The following ASIC2 variants were observed in gnomAD, a reference collection of about 807,000 sequenced individuals.
ASIC2 encodes the protein acid-sensing ion channel 2.
Under a neutral mutation model 57.3 loss-of-function variants are expected in ASIC2, and 25 were observed. The observed-to-expected ratio is 0.44, with a 90% CI of 0.32 to 0.61. The LOEUF (loss-of-function observed/expected upper bound fraction) is 0.61. ASIC2 is among the 20% of genes least tolerant of loss of function. The pLI is 0.06. For missense variants in ASIC2, 641 were observed against 738.1 expected, an observed-to-expected ratio of 0.87 and a Z score of 1.52; for synonymous variants, 319 against 307.5, an observed-to-expected ratio of 1.04 and a Z score of -0.39.
chr17:33,565,204 C>T (rs1051931370), intron 1 of ASIC2, among the ~76,000 whole-genome samples: 8 of 152,182 alleles, frequency 5.3e-5, no homozygotes, highest in Non-Finnish European at 1.0e-4. Flanking sequence ...CAGGATCTCT[C>T]TCTCTCATTA....
chr17:34,139,633 C>G (rs968663344), intron 1 of ASIC2, among the ~76,000 whole-genome samples: 5 of 152,088 alleles, frequency 3.3e-5, no homozygotes, highest in African/African-American at 1.2e-4. Context: ...AAACATTGTA[C>G]TCAATGGAAG....
At chr17:34,036,146 G>C (rs888595367) in intron 1 of ASIC2, among the ~76,000 whole-genome samples, 1 of 151,998 alleles carries the variant, frequency 6.6e-6, no homozygotes, top group African/African-American at 2.4e-5. Flanking sequence ...CGATAGACTG[G>C]ATTAAGAAAA....
At chr17:33,213,729 C>T (rs1396383705) in intron 1 of ASIC2, among the ~76,000 whole-genome samples, 1 of 152,130 alleles carries the variant, frequency 6.6e-6, no homozygotes, top group Non-Finnish European at 1.5e-5. Context: ...TCCACCCAGG[C>T]TGGATGTTCC....
intron 1 of ASIC2, among the ~76,000 whole-genome samples, chr17:33,198,899 C>T (rs7502055): frequency 6.6e-6 from 1 of 152,116 alleles, no homozygotes; most frequent in Non-Finnish European, 1.5e-5. Flanking sequence ...TGTCATTAAC[C>T]GTCCTGCTTG....
chr17:33,910,061 C>A (rs1046695861), intron 1 of ASIC2, among the ~76,000 whole-genome samples: 1 of 152,150 alleles, frequency 6.6e-6, no homozygotes, highest in Non-Finnish European at 1.5e-5. Context: ...TGAGTGAATA[C>A]CCGTGCAGTG....
intron 1 of ASIC2, among the ~76,000 whole-genome samples, chr17:33,867,952 T>C (rs936013480): frequency 6.6e-6 from 1 of 152,200 alleles, no homozygotes; most frequent in African/African-American, 2.4e-5. Context: ...CCCAAGATGA[T>C]GCATGCAAGT....
At chr17:33,193,619 G>C (rs1906515357) in intron 1 of ASIC2, among the ~76,000 whole-genome samples, 2 of 152,216 alleles carry the variant, frequency 1.3e-5, no homozygotes, top group African/African-American at 4.8e-5. Context: ...GACAGGTACA[G>C]CATGTGGAAG....
At chr17:34,073,240 C>T (rs1199342367) in intron 1 of ASIC2, among the ~76,000 whole-genome samples, 2 of 152,086 alleles carry the variant, frequency 1.3e-5, no homozygotes, top group East Asian at 3.8e-4. Flanking sequence ...AGTGTGCCCA[C>T]CCTATTGAAA....
chr17:33,029,089 G>A (rs887777568), intron 3 of ASIC2, among the ~76,000 whole-genome samples: 19 of 152,148 alleles, frequency 1.2e-4, no homozygotes, highest in African/African-American at 4.3e-4. Flanking sequence ...TGGTTGTTGA[G>A]CATTTTCTAG....
At chr17:34,118,220 G>A (rs1911485544) in intron 1 of ASIC2, 1 of 152,148 alleles carries the variant, frequency 6.6e-6, no homozygotes, top group Admixed American at 6.6e-5. Flanking sequence ...TATAAAGTGA[G>A]TATACTAATA....
intron 1 of ASIC2, among the ~76,000 whole-genome samples, chr17:33,242,311 G>A (rs1597647343): frequency 7.9e-6 from 1 of 126,564 alleles, no homozygotes; most frequent in African/African-American, 2.8e-5. Flanking sequence ...GCGAGACTCC[G>A]TCAAAAAAAA....
At chr17:33,719,326 C>T (rs748664900) in intron 1 of ASIC2, among the ~76,000 whole-genome samples, 96 of 152,176 alleles carry the variant, frequency 6.3e-4, no homozygotes, top group Admixed American at 1.5e-3. Context: ...GAGCCAGGAC[C>T]CAGGAGACTC....
intron 1 of ASIC2, among the ~76,000 whole-genome samples, chr17:33,551,820 G>A (rs919112023): frequency 3.9e-5 from 6 of 152,116 alleles, no homozygotes; most frequent in Non-Finnish European, 5.9e-5. Context: ...CTGCAGGTGC[G>A]ATGCCACTCA....
chr17:33,898,807 A>G (rs1739851699), intron 1 of ASIC2, among the ~76,000 whole-genome samples: 1 of 152,088 alleles, frequency 6.6e-6, no homozygotes, highest in African/African-American at 2.4e-5. Context: ...CAATTATTTT[A>G]TAGACTGTCT....
chr17:33,800,167 T>C (rs1912089709), intron 1 of ASIC2, among the ~76,000 whole-genome samples: 2 of 152,168 alleles, frequency 1.3e-5, no homozygotes, highest in African/African-American at 2.4e-5. Flanking sequence ...TGTATGTTTG[T>C]GGTTATAATT....
At chr17:34,019,912 T>A (rs149149950) in intron 1 of ASIC2, among the ~76,000 whole-genome samples, 289 of 152,272 alleles carry the variant, frequency 1.9e-3, no homozygotes, top group African/African-American at 6.7e-3. Context: ...GCCTTTGTCT[T>A]CATGGTCTTT....
At chr17:33,079,324 T>C (rs1379393463) in intron 3 of ASIC2, among the ~76,000 whole-genome samples, 1 of 152,134 alleles carries the variant, frequency 6.6e-6, no homozygotes, top group Non-Finnish European at 1.5e-5. Context: ...GCACTGAATC[T>C]TGGAGGAAGG....
intron 1 of ASIC2, among the ~76,000 whole-genome samples, chr17:33,916,172 G>A (rs981734681): frequency 2.6e-5 from 4 of 152,154 alleles, no homozygotes; most frequent in Admixed American, 1.3e-4. Context: ...GGTTTGGCTA[G>A]GCATGCAACT....
chr17:33,221,281 T>C (rs1193870557), intron 1 of ASIC2, among the ~76,000 whole-genome samples: 1 of 152,154 alleles, frequency 6.6e-6, no homozygotes, highest in Admixed American at 6.5e-5. Flanking sequence ...TGCTTGTGAA[T>C]GTTCAAATAC....
Sources: allele counts gnomAD v4.1 joint callset (sites outside exome capture counted in the v4.1 genomes callset), GRCh38; gene constraint gnomAD v4.1.1; transcripts MANE v1.5; gene names NCBI Gene and HGNC (gene_info 2026-07-23, HGNC 2026-07-21).